TCF12: variants seen among roughly 807,000 people sequenced by gnomAD.
The protein encoded by TCF12 is transcription factor 12, also known as DNA-binding protein HTF4.
Under a neutral mutation model 86.0 loss-of-function variants are expected in TCF12, and 45 were observed. The observed-to-expected ratio is 0.52, with a 90% CI of 0.41 to 0.67. The LOEUF (loss-of-function observed/expected upper bound fraction) is 0.67, where lower values mean the gene tolerates loss of function less well. Among genes scored for constraint, TCF12 ranks in the 30% least tolerant of loss-of-function variants. The probability of loss-of-function intolerance (pLI) is 0.00; values close to 1 mark genes in which losing one functional copy is unlikely to be tolerated. For missense variants in TCF12, 881 were observed against 859.9 expected, an observed-to-expected ratio of 1.02 and a Z score of -0.31; for synonymous variants, 330 against 299.6, an observed-to-expected ratio of 1.10 and a Z score of -1.05.
At chr15:57,069,944 T>G (rs1036840051) in intron 4 of TCF12, among the ~76,000 whole-genome samples, 1 of 152,228 alleles carries the variant, frequency 6.6e-6, no homozygotes, top group Non-Finnish European at 1.5e-5. Flanking sequence ...CAAGCTGTCT[T>G]GGGTTCTATT....
intron 3 of TCF12, among the ~76,000 whole-genome samples, chr15:56,921,875 A>G (rs564578372): frequency 6.6e-6 from 1 of 152,120 alleles, no homozygotes; most frequent in African/African-American, 2.4e-5. Flanking sequence ...TTACATTCTA[A>G]AAAGTTTGTT....
intron 7 of TCF12, among the ~76,000 whole-genome samples, chr15:57,195,541 C>T (rs1354498835): frequency 1.3e-5 from 2 of 152,124 alleles, no homozygotes; most frequent in East Asian, 3.9e-4. Context: ...TCATCTTTGG[C>T]ACTTCTGTTT....
intron 12 of TCF12, among the ~76,000 whole-genome samples, chr15:57,238,420 CA>C (rs1277367122): frequency 3.3e-5 from 5 of 152,106 alleles, no homozygotes; most frequent in Admixed American, 2.6e-4. Context: ...TTTCTACCCT[CA>C]AAAGCCCATG....
intron 3 of TCF12, among the ~76,000 whole-genome samples, chr15:57,032,700 C>G (rs559965027): frequency 6.6e-6 from 1 of 152,316 alleles, no homozygotes; most frequent in Non-Finnish European, 1.5e-5. Context: ...CCACCTAGGC[C>G]TCCAAGAGTG....
At chr15:57,123,938 C>T (rs567391235) in intron 5 of TCF12, among the ~76,000 whole-genome samples, 1 of 136,516 alleles carries the variant, frequency 7.3e-6, no homozygotes. Flanking sequence ...CACTGCACTC[C>T]AGCCTGGGCG....
At chr15:57,262,772 T>G (rs1742843046) in intron 17 of TCF12, among the ~76,000 whole-genome samples, 1 of 152,238 alleles carries the variant, frequency 6.6e-6, no homozygotes, top group Admixed American at 6.5e-5. Flanking sequence ...AGGAAGATGT[T>G]AAGCTTATGT....
intron 3 of TCF12, among the ~76,000 whole-genome samples, chr15:57,059,803 CAAAAA>C (rs10717631): frequency 9.6e-5 from 9 of 94,220 alleles, no homozygotes; most frequent in South Asian, 3.8e-4. Flanking sequence ...CTCCTCCCAC[CAAAAA>C]AAAAAAAAAA....
intron 3 of TCF12, among the ~76,000 whole-genome samples, chr15:56,953,225 A>T (rs533280117): frequency 1.4e-4 from 21 of 151,944 alleles, no homozygotes; most frequent in South Asian, 1.2e-3. Context: ...ATTATTCTTT[A>T]TATGTGTTGT....
intron 3 of TCF12, among the ~76,000 whole-genome samples, chr15:56,963,584 T>A (rs1159986487): frequency 6.6e-6 from 1 of 152,172 alleles, no homozygotes; most frequent in Admixed American, 6.6e-5. Context: ...AAGAGGGAGC[T>A]CTTTGATTAA....
chr15:57,000,540 G>T (rs2585120), intron 3 of TCF12, among the ~76,000 whole-genome samples: 1 of 152,122 alleles, frequency 6.6e-6, no homozygotes, highest in African/African-American at 2.4e-5. Context: ...CTAGACAAAA[G>T]ATTGAAAATT....
At chr15:57,281,898 C>G (rs917039275) in intron 19 of TCF12, 1 of 137,722 alleles carries the variant, frequency 7.3e-6, no homozygotes, top group East Asian at 2.2e-4. Context: ...ATCCCTGCCC[C>G]CTTCCCCCCA....
At chr15:57,026,290 C>T (rs755763006) in intron 3 of TCF12, among the ~76,000 whole-genome samples, 45 of 152,306 alleles carry the variant, frequency 3.0e-4, no homozygotes, top group Non-Finnish European at 1.8e-4. Context: ...AAACTCTTCT[C>T]TGAAAGAGCA....
chr15:57,038,311 C>T (rs2066646141), intron 3 of TCF12, among the ~76,000 whole-genome samples: 1 of 151,948 alleles, frequency 6.6e-6, no homozygotes, highest in Non-Finnish European at 1.5e-5. Context: ...GCCTGTGGTC[C>T]AAGCTACTCA....
At chr15:56,993,043 G>A (rs1030627484) in intron 3 of TCF12, among the ~76,000 whole-genome samples, 10 of 152,080 alleles carry the variant, frequency 6.6e-5, no homozygotes, top group Admixed American at 3.3e-4. Context: ...GGTGGGATAT[G>A]AATGAAGACT....
intron 5 of TCF12, among the ~76,000 whole-genome samples, chr15:57,150,014 C>G (rs114292667): frequency 0.012 from 1,767 of 152,216 alleles, 33 homozygotes; most frequent in African/African-American, 0.04. Flanking sequence ...TCCATGAGAG[C>G]AGGAAAACAA....
rs183810561 is a variant in TCF12, at chr15:57,284,996, G to A, written c.*12-1161G>A. Reference sequence around the variant, plus strand: ...AAGGCATCAAGATATGAGACATGTAGTGAATGCACTTTGTTCCATAGATTG... The same window carrying A: ...AAGGCATCAAGATATGAGACATGTAATGAATGCACTTTGTTCCATAGATTG... On this transcript the variant is annotated intron_variant, in intron 20 of 20. Transcript: ENST00000333725. Among the ~76,000 whole-genome samples, 8 of 152,366 alleles carry A rather than the reference G, an allele frequency of 5.3e-5. No homozygotes were observed. In the East Asian group the frequency reaches 1.5e-3, roughly 29 times the overall value.
Position 56,952,260 on chromosome 15 carries a change from G to A in TCF12, c.148+31162G>A, listed in dbSNP as rs557940991. Among the ~76,000 whole-genome samples, 49 of 148,240 alleles carry A rather than the reference G, an allele frequency of 3.3e-4. No individual in the cohort carries two copies. The Middle Eastern group carries it at 0.011, about 32-fold the overall frequency. ...CTATAATTTAGTCCATTGATCTCTT[G>A]TTTTTATGTAATATCATACTTTCTT... On this transcript the variant is annotated intron_variant, in intron 3 of 20. Coordinates refer to ENST00000333725, the MANE Select transcript of TCF12 (RefSeq NM_207037.2).
At chr15:56,985,825 T>C (rs2063152748) in intron 3 of TCF12, among the ~76,000 whole-genome samples, 1 of 152,188 alleles carries the variant, frequency 6.6e-6, no homozygotes, top group Admixed American at 6.5e-5. Flanking sequence ...ACTCAGTGAC[T>C]AAAAATTTAT....
intron 3 of TCF12, among the ~76,000 whole-genome samples, chr15:56,946,308 G>C (rs926607283): frequency 6.6e-6 from 1 of 152,006 alleles, no homozygotes; most frequent in Admixed American, 6.6e-5. Context: ...TTACAAGTCA[G>C]TTTTAATAGT....
Sources: allele counts gnomAD v4.1 joint callset (sites outside exome capture counted in the v4.1 genomes callset), GRCh38; gene constraint gnomAD v4.1.1; transcripts MANE v1.5; gene names NCBI Gene and HGNC (gene_info 2026-07-23, HGNC 2026-07-21).